The following JAM2 variants were observed in gnomAD, a reference collection of about 807,000 sequenced individuals.
The protein encoded by JAM2 is junctional adhesion molecule B.
Under a neutral mutation model 42.0 loss-of-function variants are expected in JAM2, and 17 were observed. That is an observed-to-expected ratio of 0.40 (90% CI 0.28 to 0.61). JAM2 has a LOEUF of 0.61. Ranked by LOEUF, JAM2 falls within the 20% of genes least tolerant of loss-of-function variation. The pLI is 0.37. For missense variants in JAM2, 319 were observed against 358.3 expected, an observed-to-expected ratio of 0.89 and a Z score of 0.89; for synonymous variants, 118 against 128.6, an observed-to-expected ratio of 0.92 and a Z score of 0.56.
intron 1 of JAM2, among the ~76,000 whole-genome samples, chr21:25,646,953 T>C (rs2032632354): frequency 6.6e-6 from 1 of 152,216 alleles, no homozygotes; most frequent in Non-Finnish European, 1.5e-5. Flanking sequence ...TGTCAAAATT[T>C]TCTACTGGGA....
intron 9 of JAM2, among the ~76,000 whole-genome samples, chr21:25,713,471 G>A (rs942362090): frequency 7.7e-5 from 10 of 129,478 alleles, no homozygotes; most frequent in African/African-American, 8.7e-5. Context: ...GGCCTAAGTC[G>A]TTTCTTGAGA....
At position 25,715,942 on chromosome 21, in the gene JAM2, T is replaced by A. The variant is rs572688688; in HGVS notation, c.*1270T>A. On this transcript the variant is annotated 3_prime_UTR_variant, in exon 10 of 10. Coordinates refer to ENST00000480456, the MANE Select transcript of JAM2 (RefSeq NM_021219.4). ...GGGCAAATGTGGATGAAAAGGTCAC[T>A]TGCTACCTTTGACAACTATGAACAT... 2.6e-5 allele frequency: 4 copies of A among 152,290 alleles called. No homozygotes were observed. In the East Asian group the frequency reaches 7.7e-4, roughly 29 times the overall value. The allele number at this position is 152,290 out of a possible 1,614,324, so 9.4% of individuals were successfully genotyped here.
rs183893529 is a variant in JAM2 at position 25,679,292 on chromosome 21, T to C, written c.68-4591T>C. Among the ~76,000 whole-genome samples the C allele has an allele frequency of 1.3e-3, 192 of 152,364 alleles. 1 individual carries two copies. The highest frequency in any genetic ancestry group is 3.6e-3 in the African/African-American group (150 of 41,580). ...CAGGAGTATAATCAATTCTCTTTCATAGTTACACAATTCTGATTTTATACA... is the reference window on the plus strand; with the variant it reads ...CAGGAGTATAATCAATTCTCTTTCACAGTTACACAATTCTGATTTTATACA... On this transcript the variant is annotated intron_variant, in intron 1 of 9. Coordinates refer to ENST00000480456, the MANE Select transcript of JAM2 (RefSeq NM_021219.4).
intron 1 of JAM2, among the ~76,000 whole-genome samples, chr21:25,668,974 CA>C (rs1474866816): frequency 6.6e-6 from 1 of 152,020 alleles, no homozygotes; most frequent in Non-Finnish European, 1.5e-5. Context: ...GAGACACAGC[CA>C]AAGAGGTTTT....
At chr21:25,684,967 T>C (rs2033717229) in intron 2 of JAM2, among the ~76,000 whole-genome samples, 1 of 152,176 alleles carries the variant, frequency 6.6e-6, no homozygotes, top group Non-Finnish European at 1.5e-5. Flanking sequence ...ATACAATTAA[T>C]AATATTGGGC....
chr21:25,702,473 T>C (rs1488848794), intron 6 of JAM2, among the ~76,000 whole-genome samples: 1 of 152,206 alleles, frequency 6.6e-6, no homozygotes, highest in Non-Finnish European at 1.5e-5. Context: ...AAGCCAAAAA[T>C]ACTTAGTATT....
intron 1 of JAM2, among the ~76,000 whole-genome samples, chr21:25,661,832 T>C (rs2033096993): frequency 6.6e-6 from 1 of 152,180 alleles, no homozygotes; most frequent in Admixed American, 6.5e-5. Flanking sequence ...AATTATATAC[T>C]CTATTTTTAG....
chr21:25,652,264 T>G (rs1310811635), intron 1 of JAM2, among the ~76,000 whole-genome samples: 1 of 152,116 alleles, frequency 6.6e-6, no homozygotes, highest in Admixed American at 6.6e-5. Context: ...CATGGTGGCA[T>G]GCCTGTAGTC....
intron 1 of JAM2, among the ~76,000 whole-genome samples, chr21:25,653,170 G>A (rs2032828774): frequency 6.6e-6 from 1 of 152,208 alleles, no homozygotes; most frequent in Non-Finnish European, 1.5e-5. Context: ...TGTTCTGCCT[G>A]CTGGGAGGCC....
chr21:25,650,509 G>A (rs1360220669), intron 1 of JAM2, among the ~76,000 whole-genome samples: 1 of 152,108 alleles, frequency 6.6e-6, no homozygotes, highest in Non-Finnish European at 1.5e-5. Context: ...ATGCTGGCAT[G>A]TTCAAAAAAC....
At chr21:25,690,425 C>T (rs990354075) in intron 3 of JAM2, among the ~76,000 whole-genome samples, 3 of 152,034 alleles carry the variant, frequency 2.0e-5, no homozygotes, top group African/African-American at 7.2e-5. Context: ...ACCTCCAGGG[C>T]TCAAGTTATC....
chr21:25,659,866 G>T (rs1490216826), intron 1 of JAM2, among the ~76,000 whole-genome samples: 1 of 152,094 alleles, frequency 6.6e-6, no homozygotes, highest in African/African-American at 2.4e-5. Flanking sequence ...GCTGAAAATT[G>T]ATTCTTTGAA....
chr21:25,716,963 C>T lies in JAM2; in HGVS notation c.*2291C>T, dbSNP rs377500824. On this transcript the variant is annotated 3_prime_UTR_variant, in exon 10 of 10. Coordinates refer to ENST00000480456, the MANE Select transcript of JAM2 (RefSeq NM_021219.4). ...ATCAACTTCTTCAGTTTAAATGACA[C>T]AAATCCATATTGTGGAAGGAAAATA... The T allele has an allele frequency of 2.6e-5, 4 of 152,234 alleles. No individual in the cohort carries two copies. Among genetic ancestry groups the T allele is most frequent in the African/African-American group, 9.6e-5 (4 of 41,468 alleles). The allele number at this position is 152,234 out of a possible 1,614,324, so 9.4% of individuals were successfully genotyped here. A position where few individuals can be genotyped will look rare whatever the true frequency, so the allele number is the denominator to read the frequency against.
chr21:25,702,307 A>G, intron 6 of JAM2, 38 bp downstream of exon 6: 1 of 1,365,044 alleles, frequency 7.3e-7, no homozygotes, highest in Non-Finnish European at 1.0e-6. Context: ...ATGGTTTGCA[A>G]TTCGACTGTG....
chr21:25,710,323 C>T (rs2034357295), intron 8 of JAM2: 1 of 152,096 alleles, frequency 6.6e-6, no homozygotes, highest in African/African-American at 2.4e-5. Flanking sequence ...AGGCCAAAAA[C>T]CCCACAAAAC....
intron 1 of JAM2, among the ~76,000 whole-genome samples, chr21:25,680,897 A>G (rs2033616345): frequency 6.6e-6 from 1 of 152,178 alleles, no homozygotes; most frequent in Admixed American, 6.5e-5. Context: ...AAGGATGAAG[A>G]CTAGGAGAGA....
At chr21:25,661,352 A>G (rs570174948) in intron 1 of JAM2, among the ~76,000 whole-genome samples, 85 of 152,224 alleles carry the variant, frequency 5.6e-4, no homozygotes, top group African/African-American at 1.9e-3. Context: ...AGTCCTAGCT[A>G]CTTGGAAGGC....
At chr21:25,704,911 T>C (rs550648815) in intron 6 of JAM2, among the ~76,000 whole-genome samples, 45 of 152,308 alleles carry the variant, frequency 3.0e-4, no homozygotes, top group Middle Eastern at 3.4e-3. Context: ...TTTGCAGAAA[T>C]GTTAAGCTTG....
rs985401025 is a variant in JAM2, at chr21:25,673,722, G to A, written c.68-10161G>A. Among the ~76,000 whole-genome samples the A allele has an allele frequency of 1.3e-4, 20 of 152,262 alleles. 1 individual carries two copies. Among genetic ancestry groups the A allele is most frequent in the African/African-American group, 4.6e-4 (19 of 41,558 alleles). On this transcript the variant is annotated intron_variant, in intron 1 of 9. Coordinates refer to ENST00000480456, the MANE Select transcript of JAM2 (RefSeq NM_021219.4). ...GCAGACTAAGCAGATGGACATCTTG[G>A]CTTCCCTGCTTTCTAAAACACTGTG...
Sources: allele counts gnomAD v4.1 joint callset (sites outside exome capture counted in the v4.1 genomes callset), GRCh38; gene constraint gnomAD v4.1.1; transcripts MANE v1.5; gene names NCBI Gene and HGNC (gene_info 2026-07-23, HGNC 2026-07-21).